The following DROSHA variants were observed in gnomAD, a reference collection of about 807,000 sequenced individuals.
DROSHA encodes the protein ribonuclease 3.
Under a neutral mutation model 181.9 loss-of-function variants are expected in DROSHA, and 56 were observed. The observed-to-expected ratio is 0.31, with a 90% confidence interval of 0.25 to 0.38. The LOEUF is 0.38. DROSHA is among the 10% of genes least tolerant of loss of function. The probability of loss-of-function intolerance (pLI) is 1.00; values close to 1 mark genes in which losing one functional copy is unlikely to be tolerated. For missense variants in DROSHA, 1,218 were observed against 1,743.5 expected, an observed-to-expected ratio of 0.70 and a Z score of 5.37; for synonymous variants, 524 against 591.2, an observed-to-expected ratio of 0.89 and a Z score of 1.65.
Position 31,470,706 on chromosome 5 carries a change from GT to G in DROSHA, c.2241+1356del, listed in dbSNP as rs566409614. 3.3e-5 allele frequency among the ~76,000 whole-genome samples: 5 copies of G among 151,546 alleles called. No homozygotes were observed. Among genetic ancestry groups the G allele is most frequent in the African/African-American group, 7.3e-5 (3 of 41,324 alleles). The stretch of plus-strand genomic sequence containing the variant: ...TATCCTTAAGCCAGGGTATCCTTAA[GT>G]TTTTTTTTAAACTCTCCAGCTGATT... On this transcript the variant is annotated intron_variant, in intron 17 of 35. Transcript: ENST00000344624. The surrounding 1 kb of genome is among the most constrained non-coding windows in gnomAD (Gnocchi z 4.0).
At chr5:31,464,474 A>T in intron 19 of DROSHA, 131 bp from the exon 20 acceptor site, 1 of 777,326 alleles carries the variant, frequency 1.3e-6, no homozygotes, top group Non-Finnish European at 2.1e-6. Context: ...ACCTCTTCAT[A>T]CAAAATTACA....
chr5:31,511,204 G>T, intron 8 of DROSHA, 28 bp from the exon 9 acceptor site: 1 of 1,597,642 alleles, frequency 6.3e-7, no homozygotes, highest in Non-Finnish European at 8.5e-7. Context: ...TCAATATTAG[G>T]AACTATATCA....
At chr5:31,487,320 T>C (rs1751902666) in intron 13 of DROSHA, among the ~76,000 whole-genome samples, 1 of 152,162 alleles carries the variant, frequency 6.6e-6, no homozygotes, top group Admixed American at 6.5e-5. Flanking sequence ...CATTACCTGT[T>C]CTAATACTCA....
At chr5:31,453,924 T>TAAAAAAAA (rs1346147377) in intron 20 of DROSHA, among the ~76,000 whole-genome samples, 1 of 145,680 alleles carries the variant, frequency 6.9e-6, no homozygotes. Context: ...CCAACTGCTT[T>TAAAAAAAA]AATTAAAAAA....
chr5:31,407,210 G>T (rs754891777), intron 33 of DROSHA, among the ~76,000 whole-genome samples: 5 of 152,122 alleles, frequency 3.3e-5, no homozygotes, highest in Non-Finnish European at 5.9e-5. Context: ...AACATCAAAA[G>T]GCTAACAGTG....
chr5:31,527,809 G>T (rs1740778419), intron 4 of DROSHA, among the ~76,000 whole-genome samples: 1 of 152,168 alleles, frequency 6.6e-6, no homozygotes, highest in African/African-American at 2.4e-5. Context: ...CCAGTCTATA[G>T]CATTTAGTCA....
chr5:31,530,678 G>T, intron 3 of DROSHA, 120 bp downstream of exon 3: 2 of 355,918 alleles, frequency 5.6e-6, no homozygotes, highest in South Asian at 1.5e-4. Flanking sequence ...TCTGCCCAGT[G>T]ATTTTCTATC....
chr5:31,449,603 T>C (rs1746720444), intron 21 of DROSHA, among the ~76,000 whole-genome samples, 184 bp from the exon 22 acceptor site: 1 of 152,136 alleles, frequency 6.6e-6, no homozygotes, highest in South Asian at 2.1e-4. Flanking sequence ...GGCACCTGAC[T>C]GGAGTCCCAG....
intron 24 of DROSHA, 146 bp from the exon 25 acceptor site, chr5:31,436,010 A>T (rs2150005175): frequency 1.4e-6 from 1 of 697,068 alleles, no homozygotes; most frequent in East Asian, 2.7e-5. Context: ...AAAGTCTTTG[A>T]AAGTTAAATG....
chr5:31,482,758 C>G (rs1212985120), intron 16 of DROSHA, among the ~76,000 whole-genome samples: 3 of 76,696 alleles, frequency 3.9e-5, no homozygotes, highest in Non-Finnish European at 9.6e-5. Context: ...GTGCCAGAAG[C>G]CTCAAGGAGA....
At chr5:31,513,585 A>G (rs1017962251) in intron 8 of DROSHA, among the ~76,000 whole-genome samples, 1 of 152,202 alleles carries the variant, frequency 6.6e-6, no homozygotes, top group Non-Finnish European at 1.5e-5. Flanking sequence ...AATTTATCAA[A>G]TAAAATATCA....
chr5:31,502,101 G>C (rs1753635206), intron 11 of DROSHA, among the ~76,000 whole-genome samples: 1 of 152,178 alleles, frequency 6.6e-6, no homozygotes, highest in South Asian at 2.1e-4. Flanking sequence ...CACCTAAGTG[G>C]GCCTTTTCAG....
intron 28 of DROSHA, among the ~76,000 whole-genome samples, chr5:31,423,857 G>T (rs973834249): frequency 3.9e-5 from 6 of 152,160 alleles, no homozygotes; most frequent in Admixed American, 3.9e-4. Context: ...TAAACCATCT[G>T]GGGAAATAGG....
At chr5:31,489,234 A>G (rs188484339) in intron 13 of DROSHA, among the ~76,000 whole-genome samples, 2 of 152,336 alleles carry the variant, frequency 1.3e-5, no homozygotes, top group African/African-American at 4.8e-5. Context: ...TTCTCAAGAG[A>G]TAGGCAGAAA....
At chr5:31,418,065 G>A in intron 30 of DROSHA, among the ~76,000 whole-genome samples, 1 of 152,154 alleles carries the variant, frequency 6.6e-6, no homozygotes, top group East Asian at 1.9e-4. Flanking sequence ...GACACCTGGG[G>A]ACTCCAGCAG....
intron 16 of DROSHA, among the ~76,000 whole-genome samples, chr5:31,480,553 T>C (rs1306908428): frequency 6.6e-6 from 1 of 152,006 alleles, no homozygotes; most frequent in Non-Finnish European, 1.5e-5. Flanking sequence ...CTCACTAAGG[T>C]CCTATATTCA....
intron 30 of DROSHA, among the ~76,000 whole-genome samples, chr5:31,419,599 C>T (rs960491830): frequency 7.9e-5 from 12 of 151,980 alleles, no homozygotes; most frequent in African/African-American, 2.4e-4. Context: ...AAAATGTACA[C>T]GGTGAGCAGG....
intron 8 of DROSHA, among the ~76,000 whole-genome samples, chr5:31,511,669 T>A (rs1357113969): frequency 6.7e-6 from 1 of 149,728 alleles, no homozygotes; most frequent in Non-Finnish European, 1.5e-5. Flanking sequence ...CACTATACTC[T>A]AGCCTGGGTG....
At chr5:31,465,536 C>A (rs1310823667) in intron 19 of DROSHA, among the ~76,000 whole-genome samples, 2 of 152,102 alleles carry the variant, frequency 1.3e-5, no homozygotes, top group African/African-American at 2.4e-5. Flanking sequence ...ATGTTTGATT[C>A]CCAGTGGTAA....
Sources: gnomAD v4.1 joint callset for allele counts (sites outside exome capture counted in the v4.1 genomes callset) on GRCh38, gnomAD v4.1.1 for gene constraint, Gnocchi (gnomAD v3.1) non-coding constraint, MANE v1.5 for transcripts, NCBI Gene and HGNC (gene_info 2026-07-23, HGNC 2026-07-21) for gene names.